TTBK2: variants seen among roughly 807,000 people sequenced by gnomAD.
TTBK2 encodes the protein tau-tubulin kinase 2.
TTBK2 carries 28 observed loss-of-function variants against 110.8 expected under a neutral mutation model. The observed-to-expected ratio is 0.25, with a 90% confidence interval of 0.19 to 0.35. The LOEUF is 0.35. Ranked by LOEUF, TTBK2 falls within the 10% of genes least tolerant of loss-of-function variation. The pLI, the probability that TTBK2 is intolerant of heterozygous loss-of-function variation, is 1.00. For synonymous variants in TTBK2, 532 were observed against 527.3 expected (o/e 1.01, Z -0.12); for missense variants, 1,369 against 1,500.3 (o/e 0.91, Z 1.45).
chr15:42,913,020 G>T (rs572827078), intron 1 of TTBK2, among the ~76,000 whole-genome samples: 59 of 150,466 alleles, frequency 3.9e-4, no homozygotes, highest in South Asian at 2.5e-3. Context: ...AGCTACTCGG[G>T]AGGCTGAGGC....
At chr15:42,879,642 A>C (rs1894959212) in intron 1 of TTBK2, among the ~76,000 whole-genome samples, 1 of 142,108 alleles carries the variant, frequency 7.0e-6, no homozygotes, top group Non-Finnish European at 1.5e-5. Context: ...TCTTATTTAC[A>C]AAAAAAAAAA....
At chr15:42,806,089 C>A (rs1891455405) in intron 9 of TTBK2, among the ~76,000 whole-genome samples, 1 of 152,212 alleles carries the variant, frequency 6.6e-6, no homozygotes, top group South Asian at 2.1e-4. Context: ...CATGGCAAAA[C>A]CCTGTCTCTA....
At chr15:42,770,662 A>T (rs1188664696) in intron 13 of TTBK2, among the ~76,000 whole-genome samples, 1 of 152,238 alleles carries the variant, frequency 6.6e-6, no homozygotes, top group Non-Finnish European at 1.5e-5. Flanking sequence ...CAAATTTTCC[A>T]GATCAAAAAT....
At chr15:42,890,871 TTTTG>T (rs1049254978) in intron 1 of TTBK2, among the ~76,000 whole-genome samples, 2 of 152,046 alleles carry the variant, frequency 1.3e-5, no homozygotes, top group Admixed American at 6.5e-5. Context: ...AATAAGCTCT[TTTTG>T]TTTGTTTTTT....
chr15:42,884,124 A>G (rs1013248493), intron 1 of TTBK2, among the ~76,000 whole-genome samples: 2 of 152,158 alleles, frequency 1.3e-5, no homozygotes, highest in African/African-American at 2.4e-5. Flanking sequence ...ATAAAAATCA[A>G]TGAACTGAAA....
rs150212889 is a variant in TTBK2 at position 42,828,592 on chromosome 15, G to A, written c.433-560C>T. On this transcript the variant is annotated intron_variant, in intron 5 of 14. Transcript: ENST00000267890. ...ACAAAAATTAACCGGGTGCGGTGGC[G>A]CGCGCCTGTTATTCCAGCTACTCAG... 3.7e-3 allele frequency among the ~76,000 whole-genome samples: 562 copies of A among 151,532 alleles called. 2 individuals are homozygous for A. Among genetic ancestry groups the A allele is most frequent in the African/African-American group, 0.012 (514 of 41,310 alleles).
chr15:42,762,014 G>C (rs1248875228), intron 13 of TTBK2, among the ~76,000 whole-genome samples: 1 of 152,180 alleles, frequency 6.6e-6, no homozygotes, highest in Non-Finnish European at 1.5e-5. Flanking sequence ...ATAAGGGGGA[G>C]TTTTCCTGCA....
At chr15:42,888,309 T>A (rs1284516943) in intron 1 of TTBK2, among the ~76,000 whole-genome samples, 2 of 152,136 alleles carry the variant, frequency 1.3e-5, no homozygotes, top group Non-Finnish European at 2.9e-5. Context: ...ATTACCATTA[T>A]TCCTGGCCCG....
At position 42,763,177 on chromosome 15, in the gene TTBK2, TATATATATATATATA is replaced by T. The variant is rs1209748553; in HGVS notation, c.1999-9945_1999-9931del. Among the ~76,000 whole-genome samples the T allele has an allele frequency of 3.0e-3, 61 of 20,268 alleles. 2 individuals are homozygous for T. Among genetic ancestry groups the T allele is most frequent in the African/African-American group, 0.012 (55 of 4,494 alleles). 13.3% of individuals were successfully genotyped at this position (20,268 alleles called of 152,430 possible). A position where few individuals can be genotyped will look rare whatever the true frequency, so the allele number is the denominator to read the frequency against. On this transcript the variant is annotated intron_variant, in intron 13 of 14. Transcript: ENST00000267890. ...ATATACATATATATATATATATATA[TATATATATATATATA>T]TTTTTTTTTTTTTTTTTTTTTTTTT...
At chr15:42,756,381 T>G (rs985101456) in intron 13 of TTBK2, among the ~76,000 whole-genome samples, 17 of 150,714 alleles carry the variant, frequency 1.1e-4, no homozygotes, top group African/African-American at 3.9e-4. Context: ...AAGTCAGGAG[T>G]TCAAGACCAG....
At chr15:42,919,859 T>C (rs1191117703) in intron 1 of TTBK2, 1 of 982,430 alleles carries the variant, frequency 1.0e-6, no homozygotes, top group Non-Finnish European at 1.2e-6. Flanking sequence ...ACAGAACATA[T>C]ACGTGAGTCT....
At chr15:42,792,816 C>T (rs535168956) in intron 10 of TTBK2, among the ~76,000 whole-genome samples, 4 of 152,168 alleles carry the variant, frequency 2.6e-5, no homozygotes, top group African/African-American at 9.7e-5. Flanking sequence ...CTACAAGTTA[C>T]GCTGAGGACA....
chr15:42,892,162 T>G (rs1196635594), intron 1 of TTBK2, among the ~76,000 whole-genome samples: 1 of 152,226 alleles, frequency 6.6e-6, no homozygotes, highest in African/African-American at 2.4e-5. Context: ...AGCTAGTATA[T>G]TCTAGCTTAA....
rs200821440 is a variant in TTBK2 at position 42,840,406 on chromosome 15, C to G, written c.245G>C (p.Gly82Ala). 2.7e-4 allele frequency: 429 copies of G among 1,613,836 alleles called. No homozygotes were observed. The Middle Eastern group carries it at 4.8e-3, about 18-fold the overall frequency. ...QGKDHVCRFI[G>A]CGRNDRFNYV... ...GTTGAATCGATCATTCCTCCCACAG[C>G]CAATAAATCTACAAACATGGTCTTT... The change falls in exon 4 of 15, where the codon GGC becomes GCC. Residue 82 changes from glycine to alanine, a missense_variant. Coordinates refer to ENST00000267890, the MANE Select transcript of TTBK2 (RefSeq NM_173500.4).
chr15:42,882,567 T>C lies in TTBK2; in HGVS notation c.-67-3883A>G, dbSNP rs558782538. 6.3e-4 allele frequency among the ~76,000 whole-genome samples: 96 copies of C among 152,020 alleles called. No homozygotes were observed. The South Asian group carries it at 0.02, about 31-fold the overall frequency. ...AGTTGGAGGTTGCAGTGAGCCAAGA[T>C]TGCGCCATTGCACTCCAGCCTGGAC... On this transcript the variant is annotated intron_variant, in intron 1 of 14. Coordinates refer to ENST00000267890, the MANE Select transcript of TTBK2 (RefSeq NM_173500.4).
chr15:42,863,438 A>G (rs1054025132), intron 3 of TTBK2, among the ~76,000 whole-genome samples: 17 of 152,304 alleles, frequency 1.1e-4, no homozygotes, highest in Non-Finnish European at 2.5e-4. Context: ...GACATAAATA[A>G]ATGTTAAAAC....
At chr15:42,904,812 A>G (rs1277157130) in intron 1 of TTBK2, among the ~76,000 whole-genome samples, 1 of 152,204 alleles carries the variant, frequency 6.6e-6, no homozygotes, top group Non-Finnish European at 1.5e-5. Flanking sequence ...CTTTGCAGTT[A>G]ATCAATAGAT....
intron 10 of TTBK2, among the ~76,000 whole-genome samples, chr15:42,792,941 T>C (rs549170712): frequency 1.3e-5 from 2 of 152,228 alleles, no homozygotes; most frequent in Non-Finnish European, 2.9e-5. Flanking sequence ...CCTGAAGTGC[T>C]ATCACCTGGA....
At position 42,783,508 on chromosome 15, in the gene TTBK2, C is replaced by T; in HGVS notation, c.1108G>A (p.Gly370Arg). The T allele has an allele frequency of 6.2e-7, 1 of 1,614,160 alleles. No homozygotes were observed. The highest frequency in any genetic ancestry group is 8.5e-7 in the Non-Finnish European group (1 of 1,180,026). Residue 370 changes from glycine to arginine, a missense_variant, in exon 11 of 15, where the codon GGA (glycine) becomes AGA (arginine). This residue lies in a region of TTBK2 where 1,097 missense variants were observed against 1,114.7 expected (regional missense o/e 0.98). Coordinates refer to ENST00000267890, the MANE Select transcript of TTBK2 (RefSeq NM_173500.4). Reference sequence around the variant, plus strand: ...TGGGGACGGGGGTGTCCCAGAGATCCAGGCAATTTATCTGGTGACACACCA... The same window carrying T: ...TGGGGACGGGGGTGTCCCAGAGATCTAGGCAATTTATCTGGTGACACACCA... ...PVGVSPDKLPGSLGHPRPQEK... is the reference protein window; with the variant it reads ...PVGVSPDKLPRSLGHPRPQEK...
Sources: gnomAD v4.1 joint callset for allele counts (sites outside exome capture counted in the v4.1 genomes callset) on GRCh38, gnomAD v4.1.1 for gene constraint, gnomAD v4.1.1 regional missense constraint, MANE v1.5 for transcripts, NCBI Gene and HGNC (gene_info 2026-07-23, HGNC 2026-07-21) for gene names.